PRH1: variants seen among roughly 807,000 people sequenced by gnomAD.
PRH1 encodes proline rich protein HaeIII subfamily 1, also known as salivary acidic proline-rich phosphoprotein 1/2.
Under a neutral mutation model 7.9 loss-of-function variants are expected in PRH1, and 7 were observed. The observed-to-expected ratio is 0.89, with a 90% confidence interval of 0.50 to 1.67. The LOEUF (loss-of-function observed/expected upper bound fraction) is 1.67, where lower values mean the gene tolerates loss of function less well. Ranked by LOEUF, PRH1 falls within the 40% of genes most tolerant of loss-of-function variation. The pLI is 0.00. For synonymous variants in PRH1, 45 were observed against 80.8 expected, an observed-to-expected ratio of 0.56 and a Z score of 2.38; for missense variants, 109 against 223.6, an observed-to-expected ratio of 0.49 and a Z score of 3.27.
rs1443753753 is a variant in PRH1 at position 10,929,395 on chromosome 12, A to G, written c.-59+44260T>C. 10 of 1,601,436 alleles carry G rather than the reference A, an allele frequency of 6.2e-6. No homozygotes were observed. The African/African-American group carries it at 9.4e-5, about 15-fold the overall frequency. ...TGATTGGGGTTTACGGGCGAATGCT[A>G]TAGAGGGGGAAAGTGGAGGGAAGAG... On this transcript the variant is annotated intron_variant, in intron 2 of 3. Coordinates refer to the PRH1 transcript ENST00000539853.
At chr12:11,040,994 A>C (rs1288218520) in intron 1 of PRH1, among the ~76,000 whole-genome samples, 1 of 152,128 alleles carries the variant, frequency 6.6e-6, no homozygotes, top group South Asian at 2.1e-4. Context: ...TCATATCACC[A>C]GAGAAAATAA....
intron 1 of PRH1, among the ~76,000 whole-genome samples, chr12:11,153,325 A>G (rs936521921): frequency 2.0e-5 from 3 of 152,256 alleles, no homozygotes; most frequent in Non-Finnish European, 4.4e-5. Flanking sequence ...CTCCTATAGC[A>G]GAAGTACTAA....
At position 11,080,629 on chromosome 12, in the gene PRH1, TAC is replaced by T. The variant is rs1339163496; in HGVS notation, n.124-33443_124-33442del. ...CTATTTGCATATATCTTATCGATTA[TAC>T]ATTCAATCCAGGAAGACACTATTTT... On this transcript the variant is annotated intron_variant and non_coding_transcript_variant, in intron 1 of 4. Transcript: ENST00000541977. Among the ~76,000 whole-genome samples the T allele has an allele frequency of 2.9e-4, 27 of 92,796 alleles. 9 individuals carry two copies. 60.9% of individuals were successfully genotyped at this position (92,796 alleles called of 152,430 possible). A position where few individuals can be genotyped will look rare whatever the true frequency, so the allele number is the denominator to read the frequency against.
chr12:11,103,586 G>A (rs1945321545), intron 1 of PRH1, among the ~76,000 whole-genome samples: 1 of 151,994 alleles, frequency 6.6e-6, no homozygotes, highest in Non-Finnish European at 1.5e-5. Context: ...TATACCTAAT[G>A]TAAATGACGA....
intron 1 of PRH1, among the ~76,000 whole-genome samples, chr12:11,037,820 G>C (rs1233629029): frequency 6.6e-6 from 1 of 152,190 alleles, no homozygotes; most frequent in East Asian, 1.9e-4. Flanking sequence ...GAGGTGGATT[G>C]CCTGAGCACA....
intron 1 of PRH1, among the ~76,000 whole-genome samples, chr12:11,081,163 T>C (rs921645258): frequency 7.6e-6 from 1 of 131,994 alleles, no homozygotes; most frequent in African/African-American, 2.7e-5. Context: ...TGTTACCCTC[T>C]AGCTTTGTAT....
chr12:11,099,281 G>A (rs958315569), intron 1 of PRH1, among the ~76,000 whole-genome samples: 5 of 152,046 alleles, frequency 3.3e-5, no homozygotes, highest in East Asian at 1.9e-4. Flanking sequence ...ATATCGCCTC[G>A]CAAGTACACT....
chr12:10,917,777 C>T (rs1021454536), intron 2 of PRH1, among the ~76,000 whole-genome samples: 1 of 152,202 alleles, frequency 6.6e-6, no homozygotes, highest in Admixed American at 6.5e-5. Flanking sequence ...ACCAGCAGTA[C>T]TGAGTCAGTT....
intron 1 of PRH1, among the ~76,000 whole-genome samples, chr12:11,011,103 C>T (rs1431833218): frequency 2.6e-5 from 4 of 151,958 alleles, no homozygotes; most frequent in South Asian, 2.1e-4. Flanking sequence ...ATAAGTTTAA[C>T]GTAGGTGTCC....
chr12:11,020,362 C>CAATATATATATATA, intron 1 of PRH1, among the ~76,000 whole-genome samples: 1 of 130,534 alleles, frequency 7.7e-6, no homozygotes, highest in African/African-American at 2.9e-5. Context: ...GTATGATAAG[C>CAATATATATATATA]GATATATATA....
At chr12:10,970,212 T>G (rs1938740088) in intron 2 of PRH1, among the ~76,000 whole-genome samples, 1 of 152,244 alleles carries the variant, frequency 6.6e-6, no homozygotes, top group Non-Finnish European at 1.5e-5. Flanking sequence ...TTCTGGTTTT[T>G]TCTCTAATAG....
rs113075414 is a variant in PRH1, at chr12:11,079,211, A to T, written n.124-32023T>A. 5 of 118,680 alleles carry T rather than the reference A, an allele frequency of 4.2e-5. No individual in the cohort carries two copies. The East Asian group carries it at 1.0e-3, about 24-fold the overall frequency. 7.4% of individuals were successfully genotyped at this position (118,680 alleles called of 1,614,324 possible). ...TATAATCCTGCAGCACCCTCCCACC[A>T]CAGGCAGGGTGACTACCTTGACCAT... is the stretch of plus-strand genomic sequence containing the variant. On this transcript the variant is annotated intron_variant and non_coding_transcript_variant, in intron 1 of 4. Coordinates refer to the PRH1 transcript ENST00000541977.
At chr12:10,924,327 A>T (rs1378287114) in intron 2 of PRH1, among the ~76,000 whole-genome samples, 1 of 152,210 alleles carries the variant, frequency 6.6e-6, no homozygotes, top group Non-Finnish European at 1.5e-5. Context: ...TTTATATAAC[A>T]AATCATTCCC....
chr12:10,944,553 T>C (rs902823042), intron 2 of PRH1, among the ~76,000 whole-genome samples: 1 of 152,164 alleles, frequency 6.6e-6, no homozygotes, highest in African/African-American at 2.4e-5. Flanking sequence ...CCTTTATTTC[T>C]TTCTCTTACC....
intron 1 of PRH1, among the ~76,000 whole-genome samples, chr12:11,148,356 G>C (rs562931795): frequency 4.6e-5 from 7 of 151,540 alleles, no homozygotes; most frequent in Admixed American, 4.6e-4. Context: ...GGGCATCCCT[G>C]TCTTGTGCCA....
chr12:10,999,991 G>T (rs1940505449), intron 1 of PRH1, among the ~76,000 whole-genome samples: 1 of 151,854 alleles, frequency 6.6e-6, no homozygotes, highest in Non-Finnish European at 1.5e-5. Context: ...ATATATATTT[G>T]GGCAGTCTAT....
At position 11,089,192 on chromosome 12, in the gene PRH1, T is replaced by G. The variant is rs1299671593; in HGVS notation, n.124-42004A>C. ...TTGCCCGATCCAGGTCATCATTCCA[T>G]TTGGGACTTGAATGCATCACCACAC... On this transcript the variant is annotated intron_variant and non_coding_transcript_variant, in intron 1 of 4. Coordinates refer to the PRH1 transcript ENST00000541977. 2.6e-5 allele frequency among the ~76,000 whole-genome samples: 3 copies of G among 115,606 alleles called. No homozygotes were observed. In the Admixed American group the frequency reaches 2.6e-4, roughly 10 times the overall value. 75.8% of individuals were successfully genotyped at this position (115,606 alleles called of 152,430 possible).
chr12:11,119,544 T>A (rs1039058759), downstream of PRH1, among the ~76,000 whole-genome samples: 18 of 152,222 alleles, frequency 1.2e-4, no homozygotes, highest in Non-Finnish European at 2.1e-4. Flanking sequence ...AATACAGACC[T>A]ACTATATATC....
intron 1 of PRH1, among the ~76,000 whole-genome samples, chr12:11,088,228 C>T (rs1237069032): frequency 1.6e-5 from 2 of 127,818 alleles, no homozygotes; most frequent in Non-Finnish European, 3.5e-5. Context: ...GCAGTCCCAG[C>T]TGCTAGCAAT....
Sources: allele counts gnomAD v4.1 joint callset (sites outside exome capture counted in the v4.1 genomes callset), GRCh38; gene constraint gnomAD v4.1.1; transcripts MANE v1.5; gene names NCBI Gene and HGNC (gene_info 2026-07-23, HGNC 2026-07-21).